Variants in VPS53 observed in about 807,000 individuals in gnomAD.
VPS53 encodes the protein vacuolar protein sorting-associated protein 53 homolog.
In VPS53, 70 loss-of-function variants were observed where a neutral mutation model predicts 107.0. That is an observed-to-expected ratio of 0.65 (90% CI 0.54 to 0.80). The LOEUF (loss-of-function observed/expected upper bound fraction) is 0.80. Among genes scored for constraint, VPS53 ranks in the 30% least tolerant of loss-of-function variants. The probability of loss-of-function intolerance (pLI) is 0.00; values close to 1 mark genes in which losing one functional copy is unlikely to be tolerated. For missense variants in VPS53, 917 were observed against 1,049.4 expected (o/e 0.87, Z 1.74); for synonymous variants, 409 against 393.3 (o/e 1.04, Z -0.47).
chr17:610,888 A>C (rs980374238), intron 11 of VPS53, among the ~76,000 whole-genome samples: 5 of 149,346 alleles, frequency 3.3e-5, no homozygotes, highest in Admixed American at 6.7e-5. Flanking sequence ...CAGTGAGCCG[A>C]GATCTCACCA....
intron 11 of VPS53, among the ~76,000 whole-genome samples, chr17:622,244 AT>A (rs928459497): frequency 6.6e-6 from 1 of 152,122 alleles, no homozygotes; most frequent in African/African-American, 2.4e-5. Flanking sequence ...AAATAAAAAA[AT>A]AAAGGATAGT....
intron 1 of VPS53, among the ~76,000 whole-genome samples, chr17:713,159 G>A (rs1462637242): frequency 6.6e-6 from 1 of 151,390 alleles, no homozygotes; most frequent in African/African-American, 2.4e-5. Flanking sequence ...CTACGATTAT[G>A]CCACTGTACT....
At chr17:634,985 T>C (rs1287234184) in intron 7 of VPS53, among the ~76,000 whole-genome samples, 1 of 152,224 alleles carries the variant, frequency 6.6e-6, no homozygotes, top group Non-Finnish European at 1.5e-5. Context: ...TCCTCCACAA[T>C]GGTTGAACTA....
In VPS53 at chr17:714,753, C is replaced by T. The variant is rs35915949; in HGVS notation, c.-44G>A. On this transcript the variant is annotated 5_prime_UTR_variant, in exon 1 of 22. Coordinates refer to ENST00000437048, the MANE Select transcript of VPS53 (RefSeq NM_001128159.3). The stretch of plus-strand genomic sequence containing the variant: ...GCCGACCCCCGCCGCGAGCCCAACT[C>T]AGGCCTCCAGCCGCCACCCAGGCCC... The T allele has an allele frequency of 0.093, 149,028 of 1,608,448 alleles. 7,894 individuals are homozygous for T. Among genetic ancestry groups the T allele is most frequent in the Non-Finnish European group, 0.11 (128,676 of 1,175,882 alleles).
chr17:655,283 T>C (rs1971141068), intron 6 of VPS53, among the ~76,000 whole-genome samples: 1 of 149,728 alleles, frequency 6.7e-6, no homozygotes, highest in South Asian at 2.1e-4. Flanking sequence ...GATGTATCAT[T>C]CCCTCTACAA....
chr17:540,415 G>C (rs966311074), intron 17 of VPS53: 2 of 152,060 alleles, frequency 1.3e-5, no homozygotes, highest in Non-Finnish European at 2.9e-5. Context: ...GTGTTGCCCA[G>C]ACTGGTCTTG....
At chr17:572,441 G>C (rs1326136742) in intron 13 of VPS53, among the ~76,000 whole-genome samples, 2 of 144,618 alleles carry the variant, frequency 1.4e-5, no homozygotes, top group Non-Finnish European at 3.0e-5. Flanking sequence ...CCGGCCAGCC[G>C]CCCCATCCGG....
At position 623,667 on chromosome 17, in the gene VPS53, G is replaced by T. The variant is rs16954056; in HGVS notation, c.982C>A (p.Leu328Ile). 167,271 of 1,609,574 alleles carry T rather than the reference G, an allele frequency of 0.1. 9,639 individuals carry two copies. The highest frequency in any genetic ancestry group is 0.22 in the East Asian group (10,061 of 44,800). The change falls in exon 11 of 22, where the codon CTT (leucine) becomes ATT (isoleucine). Residue 328 changes from leucine (L) to isoleucine (I), a missense_variant. Transcript: ENST00000437048. The part of the protein sequence containing the change: ...VEFCHVTRAE[L>I]AKIMRTRAKE... ...GCTCTGGTACGCATAATCTTGGCAA[G>T]TTCTGCCCTTCAAAACAAAGAGATA...
chr17:562,974 C>A (rs1010962182), intron 13 of VPS53, among the ~76,000 whole-genome samples: 10 of 152,096 alleles, frequency 6.6e-5, no homozygotes, highest in Admixed American at 3.9e-4. Flanking sequence ...AGTCGATTGA[C>A]ATTTGTGCTT....
intron 5 of VPS53, among the ~76,000 whole-genome samples, chr17:659,205 CT>C (rs1971343702): frequency 6.6e-6 from 1 of 152,164 alleles, no homozygotes; most frequent in African/African-American, 2.4e-5. Context: ...AATCAGCATC[CT>C]TTTTCCTACA....
chr17:706,680 G>A (rs1567754567), intron 2 of VPS53, among the ~76,000 whole-genome samples: 2 of 152,136 alleles, frequency 1.3e-5, no homozygotes, highest in Non-Finnish European at 2.9e-5. Flanking sequence ...CTCTACCCCA[G>A]ATTTCTTATA....
chr17:683,583 A>T (rs1972479594), intron 4 of VPS53, among the ~76,000 whole-genome samples: 1 of 152,220 alleles, frequency 6.6e-6, no homozygotes, highest in Admixed American at 6.5e-5. Flanking sequence ...GATAAAAATG[A>T]GATCTATGTG....
intron 11 of VPS53, among the ~76,000 whole-genome samples, chr17:613,750 C>T (rs1216982324): frequency 6.6e-6 from 1 of 151,692 alleles, no homozygotes; most frequent in East Asian, 1.9e-4. Flanking sequence ...ATATTCATAG[C>T]AGTATTCAAA....
Position 627,445 on chromosome 17 carries a change from T to A in VPS53, c.832-129A>T, listed in dbSNP as rs1025070498. The A allele has an allele frequency of 2.5e-6, 3 of 1,220,608 alleles. No homozygotes were observed. The African/African-American group carries it at 4.6e-5, about 19-fold the overall frequency. 75.6% of individuals were successfully genotyped at this position (1,220,608 alleles called of 1,614,324 possible). ...CTGTATTTCTCATGGTTTTAAAGAA[T>A]CTAGGCTACCTTTTTAACTTGATTT... On this transcript the variant is annotated intron_variant, in intron 9 of 21. Coordinates refer to ENST00000437048, the MANE Select transcript of VPS53 (RefSeq NM_001128159.3).
At chr17:611,387 G>C (rs1156882256) in intron 11 of VPS53, among the ~76,000 whole-genome samples, 1 of 152,158 alleles carries the variant, frequency 6.6e-6, no homozygotes, top group African/African-American at 2.4e-5. Flanking sequence ...ACCACAAGGA[G>C]ATACTACTCT....
At chr17:677,018 C>T (rs1252575959) in intron 4 of VPS53, among the ~76,000 whole-genome samples, 2 of 151,922 alleles carry the variant, frequency 1.3e-5, no homozygotes, top group African/African-American at 2.4e-5. Flanking sequence ...AAGTTCAGAA[C>T]AATATGGAAA....
chr17:696,862 G>A (rs870182), intron 4 of VPS53, among the ~76,000 whole-genome samples: 2,140 of 134,648 alleles, frequency 0.016, 21 homozygotes, highest in Middle Eastern at 0.027. Context: ...GTGCAATCTC[G>A]CCTCACTGCA....
intron 17 of VPS53, among the ~76,000 whole-genome samples, chr17:548,177 A>G (rs1440389059): frequency 2.0e-5 from 3 of 152,254 alleles, no homozygotes; most frequent in East Asian, 3.8e-4. Context: ...CTGACCTAGC[A>G]GTGGAGTAAA....
At chr17:659,916 A>T (rs1567717215) in intron 5 of VPS53, among the ~76,000 whole-genome samples, 1 of 152,154 alleles carries the variant, frequency 6.6e-6, no homozygotes, top group African/African-American at 2.4e-5. Context: ...AGACAAACTG[A>T]ACCACTGATT....
Sources: allele counts gnomAD v4.1 joint callset (sites outside exome capture counted in the v4.1 genomes callset), GRCh38; gene constraint gnomAD v4.1.1; transcripts MANE v1.5; gene names NCBI Gene and HGNC (gene_info 2026-07-23, HGNC 2026-07-21).